Variants in ME3 observed in about 807,000 individuals in gnomAD.
The protein encoded by ME3 is malic enzyme 3, also known as NADP-dependent malic enzyme, mitochondrial.
ME3 carries 48 observed loss-of-function variants against 68.9 expected under a neutral mutation model. The observed-to-expected ratio is 0.70, with a 90% confidence interval of 0.55 to 0.89. The LOEUF (loss-of-function observed/expected upper bound fraction) is 0.89. Ranked by LOEUF, ME3 falls within the 40% of genes least tolerant of loss-of-function variation. The probability of loss-of-function intolerance (pLI) is 0.00; values close to 1 mark genes in which losing one functional copy is unlikely to be tolerated. For synonymous variants in ME3, 320 were observed against 318.8 expected, an observed-to-expected ratio of 1.00 and a Z score of -0.04; for missense variants, 675 against 797.4, an observed-to-expected ratio of 0.85 and a Z score of 1.85.
intron 4 of ME3, among the ~76,000 whole-genome samples, chr11:86,535,287 T>C (rs1241106822): frequency 6.6e-6 from 1 of 152,172 alleles, no homozygotes; most frequent in Non-Finnish European, 1.5e-5. Context: ...GTAAAAATGT[T>C]ACCATGCCAA....
exon 4 of ME3, chr11:86,556,696 G>T: frequency 3.7e-6 from 6 of 1,613,988 alleles, no homozygotes; most frequent in Non-Finnish European, 5.1e-6. Context: ...TCATGAGAAT[G>T]ATGTACCTTG....
At chr11:86,521,413 C>CAAACA (rs1954281256) in intron 4 of ME3, among the ~76,000 whole-genome samples, 2 of 112,346 alleles carry the variant, frequency 1.8e-5, no homozygotes, top group Non-Finnish European at 3.9e-5. Flanking sequence ...ACAAACAAAA[C>CAAACA]AAAACAAAAC....
intron 5 of ME3, among the ~76,000 whole-genome samples, chr11:86,499,537 T>C (rs1952584558): frequency 6.6e-6 from 1 of 152,214 alleles, no homozygotes; most frequent in South Asian, 2.1e-4. Context: ...GGTAAAGAGA[T>C]GAAGACCCAT....
chr11:86,588,167 A>G (rs983725998), intron 2 of ME3, among the ~76,000 whole-genome samples: 12 of 152,252 alleles, frequency 7.9e-5, no homozygotes, highest in African/African-American at 1.9e-4. Flanking sequence ...CCTGGAGCTT[A>G]CAGACCAGAG....
chr11:86,610,093 G>C (rs980295200), intron 2 of ME3, among the ~76,000 whole-genome samples: 3 of 152,098 alleles, frequency 2.0e-5, no homozygotes, highest in Non-Finnish European at 4.4e-5. Flanking sequence ...TATGCCAAAA[G>C]GCTATACTTT....
chr11:86,483,047 A>G (rs548194118), intron 7 of ME3, among the ~76,000 whole-genome samples: 2 of 152,378 alleles, frequency 1.3e-5, no homozygotes, highest in African/African-American at 4.8e-5. Flanking sequence ...TTGGAATCTT[A>G]TCTCCTTGTT....
intron 2 of ME3, among the ~76,000 whole-genome samples, chr11:86,641,885 A>G (rs966397709): frequency 6.6e-6 from 1 of 152,170 alleles, no homozygotes; most frequent in Non-Finnish European, 1.5e-5. Flanking sequence ...CTTTTTTTAA[A>G]AAAAAACTTT....
chr11:86,628,007 C>T (rs1294503514), intron 2 of ME3, among the ~76,000 whole-genome samples: 3 of 152,186 alleles, frequency 2.0e-5, no homozygotes, highest in African/African-American at 7.2e-5. Context: ...ACCATGTGTG[C>T]GGTACTGTGC....
intron 2 of ME3, among the ~76,000 whole-genome samples, chr11:86,574,621 C>T (rs1957993139): frequency 6.6e-6 from 1 of 152,186 alleles, no homozygotes; most frequent in South Asian, 2.1e-4. Context: ...CCCAGAGGGG[C>T]ACTGGCCTGA....
rs35352939 is a variant in ME3 at position 86,447,855 on chromosome 11, CAAAAA to C, written c.1237+290_1237+294del. ...CCTGGACAAAACAGCTAAACTCTGT[CAAAAA>C]AAAAAAAAAAAAAAAGACAGAGAGA... On this transcript the variant is annotated intron_variant, in intron 11 of 14. Transcript: ENST00000543262. Among the ~76,000 whole-genome samples the C allele has an allele frequency of 3.7e-3, 452 of 120,760 alleles. 2 individuals are homozygous for C. The highest frequency in any genetic ancestry group is 6.0e-3 in the Non-Finnish European group (355 of 59,082). The allele number at this position is 120,760 out of a possible 152,430, so 79.2% of individuals were successfully genotyped here.
At chr11:86,611,971 A>G (rs1442865241) in intron 2 of ME3, among the ~76,000 whole-genome samples, 1 of 152,234 alleles carries the variant, frequency 6.6e-6, no homozygotes, top group Non-Finnish European at 1.5e-5. Context: ...AGAATGAGAT[A>G]CATGTGCAGA....
downstream of ME3, chr11:86,441,007 G>A: frequency 3.7e-6 from 1 of 270,750 alleles, no homozygotes; most frequent in East Asian, 6.5e-5. Context: ...ATGAGATTCT[G>A]CATTTCCCAC....
intron 2 of ME3, among the ~76,000 whole-genome samples, chr11:86,570,083 A>G (rs1957703695): frequency 6.6e-6 from 1 of 152,166 alleles, no homozygotes; most frequent in Non-Finnish European, 1.5e-5. Flanking sequence ...GAGTTCATGC[A>G]CCTGGCCCAC....
chr11:86,559,044 C>T lies in ME3; in HGVS notation c.317+646G>A, dbSNP rs145301805. Among the ~76,000 whole-genome samples, 50 of 152,276 alleles carry T rather than the reference C, an allele frequency of 3.3e-4. No homozygotes were observed. In the East Asian group the frequency reaches 5.4e-3, roughly 16 times the overall value. On this transcript the variant is annotated intron_variant, in intron 3 of 14. Transcript: ENST00000543262. The stretch of plus-strand genomic sequence containing the variant: ...GGTCTCTGTGTTCAAATTCTAGCCA[C>T]GCCCATTTATAGCCATTCAACCTGG...
intron 5 of ME3, among the ~76,000 whole-genome samples, chr11:86,505,213 A>G (rs1952989511): frequency 6.6e-6 from 1 of 151,038 alleles, no homozygotes; most frequent in Admixed American, 6.6e-5. Flanking sequence ...AAAACAAGAA[A>G]GACTGTGGCT....
intron 2 of ME3, among the ~76,000 whole-genome samples, chr11:86,617,040 T>G (rs1338847380): frequency 7.9e-6 from 1 of 126,460 alleles, no homozygotes; most frequent in Non-Finnish European, 1.6e-5. Context: ...TACTCCAAGA[T>G]AGTAGTTTTT....
downstream of ME3, among the ~76,000 whole-genome samples, chr11:86,438,018 G>T (rs981438902): frequency 6.6e-6 from 1 of 152,134 alleles, no homozygotes; most frequent in African/African-American, 2.4e-5. Context: ...CCTCCGTGTT[G>T]ACTAGAAGTG....
chr11:86,608,904 G>C (rs1437967133), intron 2 of ME3, among the ~76,000 whole-genome samples: 1 of 152,078 alleles, frequency 6.6e-6, no homozygotes, highest in Non-Finnish European at 1.5e-5. Context: ...CTTCTAAAAA[G>C]GCACGTATTT....
intron 2 of ME3, among the ~76,000 whole-genome samples, chr11:86,576,186 C>T (rs2139580888): frequency 6.6e-6 from 1 of 152,228 alleles, no homozygotes; most frequent in African/African-American, 2.4e-5. Flanking sequence ...AAGATGAGGA[C>T]ATGATTAATT....
Sources: allele counts gnomAD v4.1 joint callset (sites outside exome capture counted in the v4.1 genomes callset), GRCh38; gene constraint gnomAD v4.1.1; transcripts MANE v1.5; gene names NCBI Gene and HGNC (gene_info 2026-07-23, HGNC 2026-07-21).